Variants in TXNRD1 observed in about 807,000 individuals in gnomAD.
TXNRD1 encodes thioredoxin reductase 1, cytoplasmic.
In TXNRD1, 57 loss-of-function variants were observed where a neutral mutation model predicts 80.3. The observed-to-expected ratio is 0.71, with a 90% CI of 0.57 to 0.89. The LOEUF (loss-of-function observed/expected upper bound fraction) is 0.89, where lower values mean the gene tolerates loss of function less well. TXNRD1 is among the 40% of genes least tolerant of loss of function. The pLI is 0.00. For synonymous variants in TXNRD1, 291 were observed against 285.2 expected (o/e 1.02, Z -0.20); for missense variants, 730 against 803.0 (o/e 0.91, Z 1.10).
intron 4 of TXNRD1, chr12:104,291,156 A>C: frequency 1.9e-6 from 1 of 532,102 alleles, no homozygotes; most frequent in Non-Finnish European, 3.3e-6. Flanking sequence ...AAAAGAAATC[A>C]TTTAGCATAT....
intron 3 of TXNRD1, among the ~76,000 whole-genome samples, chr12:104,259,115 G>A (rs1233540106): frequency 1.3e-5 from 2 of 151,996 alleles, no homozygotes; most frequent in Non-Finnish European, 2.9e-5. Flanking sequence ...ATGGTGGCTC[G>A]CTTCTGTAGT....
At chr12:104,297,401 C>G (rs371534513) in intron 4 of TXNRD1, among the ~76,000 whole-genome samples, 6 of 151,308 alleles carry the variant, frequency 4.0e-5, no homozygotes, top group Non-Finnish European at 7.4e-5. Context: ...GAGTCTTGCT[C>G]TGTTGCCCAG....
At chr12:104,338,566 G>A (rs993707624) in intron 15 of TXNRD1, among the ~76,000 whole-genome samples, 1 of 150,620 alleles carries the variant, frequency 6.6e-6, no homozygotes, top group African/African-American at 2.4e-5. Context: ...GCATGGTAGC[G>A]CCTGCCTGTA....
In TXNRD1 at chr12:104,334,271, C is replaced by T. The variant is rs760474615; in HGVS notation, c.1685C>T (p.Thr562Met). The stretch of plus-strand genomic sequence containing the variant: ...AGTTACTTTTGGCCATTGGAATGGA[C>T]GATTCCGTCAAGAGATAACAACAAA... Reference protein sequence around the residue: ...YHSYFWPLEWTIPSRDNNKCY... With the variant: ...YHSYFWPLEWMIPSRDNNKCY... Residue 562 changes from threonine (T) to methionine (M), a missense_variant, in exon 15 of 17, where the codon ACG becomes ATG. Coordinates refer to ENST00000525566, the MANE Select transcript of TXNRD1 (RefSeq NM_001093771.3). The T allele has an allele frequency of 4.6e-6, 7 of 1,535,594 alleles. No individual in the cohort carries two copies. The highest frequency in any genetic ancestry group is 5.3e-6 in the Non-Finnish European group (6 of 1,138,152).
In TXNRD1 at chr12:104,238,135, T is replaced by A. The variant is rs2032778817; in HGVS notation, c.92-13392T>A. 2.0e-5 allele frequency among the ~76,000 whole-genome samples: 3 copies of A among 152,296 alleles called. No homozygotes were observed. The East Asian group carries it at 5.8e-4, about 29-fold the overall frequency. On this transcript the variant is annotated intron_variant, in intron 1 of 16. Coordinates refer to ENST00000525566, the MANE Select transcript of TXNRD1 (RefSeq NM_001093771.3). Reference sequence around the variant, plus strand: ...TGGTAAAATGCAAGCGTCATCAAAATGCAAATAGGTGGTCTACAGTCATGT... The same window carrying A: ...TGGTAAAATGCAAGCGTCATCAAAAAGCAAATAGGTGGTCTACAGTCATGT...
intron 9 of TXNRD1, 70 bp downstream of exon 9, chr12:104,319,655 C>A: frequency 8.8e-7 from 1 of 1,132,656 alleles, no homozygotes; most frequent in Non-Finnish European, 1.3e-6. Context: ...TTCTTCAAAC[C>A]CACTGCGTCA....
At position 104,224,744 on chromosome 12, in the gene TXNRD1, G is replaced by A. The variant is rs535240559; in HGVS notation, c.91+8851G>A. ...AGTTCATGGCACATAGTAGATGCTC[G>A]GTAAATGTTCAAATATAGTTGTGTC... On this transcript the variant is annotated intron_variant, in intron 1 of 16. Transcript: ENST00000525566. The A allele has an allele frequency of 2.7e-5, 12 of 439,160 alleles. No individual in the cohort carries two copies. The East Asian group carries it at 5.6e-4, about 21-fold the overall frequency. The allele number at this position is 439,160 out of a possible 1,614,324, so 27.2% of individuals were successfully genotyped here.
rs755187520 is a variant in TXNRD1, at chr12:104,331,667, A to AT, written c.1650+27dup. 1.1e-4 allele frequency: 165 copies of AT among 1,436,990 alleles called. No homozygotes were observed. In the East Asian group the frequency reaches 3.7e-3, roughly 32 times the overall value. 89.0% of individuals were successfully genotyped at this position (1,436,990 alleles called of 1,614,324 possible). A position where few individuals can be genotyped will look rare whatever the true frequency, so the allele number is the denominator to read the frequency against. On this transcript the variant is annotated intron_variant, in intron 14 of 16. Transcript: ENST00000525566. ...GTAAGTTCTTTTCCTCTTTTCTCCTATGTTATATCACTACTTTTTTTTCTT... is the reference window on the plus strand; with the variant it reads ...GTAAGTTCTTTTCCTCTTTTCTCCTATTGTTATATCACTACTTTTTTTTCTT...
intron 13 of TXNRD1, among the ~76,000 whole-genome samples, chr12:104,330,641 CA>C (rs2035917531): frequency 6.6e-6 from 1 of 152,038 alleles, no homozygotes; most frequent in Non-Finnish European, 1.5e-5. Flanking sequence ...GGCTGGAGTG[CA>C]ATGGCGTGAT....
intron 10 of TXNRD1, among the ~76,000 whole-genome samples, chr12:104,323,809 G>GA (rs766675138): frequency 1.4e-4 from 12 of 87,832 alleles, no homozygotes; most frequent in Non-Finnish European, 2.2e-4. Flanking sequence ...CGGGGGGGCT[G>GA]ACCCCCCCCC....
chr12:104,304,737 A>G, intron 4 of TXNRD1: 2 of 1,613,748 alleles, frequency 1.2e-6, no homozygotes, highest in Non-Finnish European at 8.5e-7. Context: ...ATTGTAAGAG[A>G]TGGTTTTGCA....
At chr12:104,265,409 C>T (rs2135716944) in intron 3 of TXNRD1, 2 of 1,604,692 alleles carry the variant, frequency 1.2e-6, no homozygotes, top group Non-Finnish European at 1.7e-6. Flanking sequence ...CGAATCTTTG[C>T]GCCTAATCAT....
At position 104,325,430 on chromosome 12, in the gene TXNRD1, G is replaced by T; in HGVS notation, c.1308+1G>T. 3.1e-6 allele frequency: 5 copies of T among 1,601,166 alleles called. No homozygotes were observed. Among genetic ancestry groups the T allele is most frequent in the Non-Finnish European group, 4.3e-6 (5 of 1,169,430 alleles). ...AATCATTGAAGGAGAATATAATACGGTAAGGAATGGGCCCAGGTTAATACT... is the reference window on the plus strand; with the variant it reads ...AATCATTGAAGGAGAATATAATACGTTAAGGAATGGGCCCAGGTTAATACT... On this transcript the variant is annotated splice_donor_variant, in intron 11 of 16. Transcript: ENST00000525566. LOFTEE classifies it high-confidence loss of function.
chr12:104,304,036 G>A, intron 4 of TXNRD1: 1 of 1,612,134 alleles, frequency 6.2e-7, no homozygotes, highest in Non-Finnish European at 8.5e-7. Context: ...CCGCTGACGA[G>A]GAGAAGTGCC....
intron 10 of TXNRD1, among the ~76,000 whole-genome samples, chr12:104,323,680 T>C (rs1169949148): frequency 7.2e-3 from 573 of 79,718 alleles, no homozygotes; most frequent in Admixed American, 0.011. Flanking sequence ...GGCGGGGGGC[T>C]GACACCCCCA....
rs1178469026 is a variant in TXNRD1 at position 104,254,644 on chromosome 12, A to AATATATAT, written c.243+2981_243+2988dup. On this transcript the variant is annotated intron_variant, in intron 2 of 16. Transcript: ENST00000525566. ...CTATGTCTATGGAAAAAAAAAAAAA[A>AATATATAT]ATATATATATATATATATATATCAG... 1.2e-3 allele frequency among the ~76,000 whole-genome samples: 109 copies of AATATATAT among 93,626 alleles called. 5 individuals are homozygous for AATATATAT. The highest frequency in any genetic ancestry group is 5.5e-3 in the African/African-American group (106 of 19,384). The allele number at this position is 93,626 out of a possible 152,430, so 61.4% of individuals were successfully genotyped here. A position where few individuals can be genotyped will look rare whatever the true frequency, so the allele number is the denominator to read the frequency against.
intron 3 of TXNRD1, among the ~76,000 whole-genome samples, chr12:104,272,039 T>C (rs2033662551): frequency 6.6e-6 from 1 of 152,062 alleles, no homozygotes; most frequent in Admixed American, 6.6e-5. Context: ...TGGTGGCGAG[T>C]GCCTGTAATC....
At chr12:104,238,937 C>T (rs2032799431) in intron 1 of TXNRD1, among the ~76,000 whole-genome samples, 1 of 151,966 alleles carries the variant, frequency 6.6e-6, no homozygotes, top group Admixed American at 6.6e-5. Context: ...ACCTTTGCCT[C>T]CCGGGTTCAA....
intron 3 of TXNRD1, chr12:104,286,958 C>T: frequency 1.6e-6 from 2 of 1,219,660 alleles, no homozygotes; most frequent in East Asian, 4.5e-5. Context: ...TGGCAGTTAG[C>T]CCGCCCGCTC....
Sources: allele counts gnomAD v4.1 joint callset (sites outside exome capture counted in the v4.1 genomes callset), GRCh38; gene constraint gnomAD v4.1.1; transcripts MANE v1.5; gene names NCBI Gene and HGNC (gene_info 2026-07-23, HGNC 2026-07-21).